The following SEMA3A variants were observed in gnomAD, a reference collection of about 807,000 sequenced individuals.
SEMA3A encodes the protein semaphorin-3A.
In SEMA3A, 29 loss-of-function variants were observed where a neutral mutation model predicts 97.9. That is an observed-to-expected ratio of 0.30 (90% CI 0.22 to 0.40). SEMA3A has a LOEUF of 0.40. Among genes scored for constraint, SEMA3A ranks in the 10% least tolerant of loss-of-function variants. The probability of loss-of-function intolerance (pLI) is 1.00; values close to 1 mark genes in which losing one functional copy is unlikely to be tolerated. For synonymous variants in SEMA3A, 321 were observed against 323.7 expected, an observed-to-expected ratio of 0.99 and a Z score of 0.09; for missense variants, 763 against 951.3, an observed-to-expected ratio of 0.80 and a Z score of 2.60.
intron 5 of SEMA3A, among the ~76,000 whole-genome samples, chr7:84,046,654 C>T (rs1224796956): frequency 6.6e-6 from 1 of 151,436 alleles, no homozygotes; most frequent in African/African-American, 2.4e-5. Context: ...TACTTATTCA[C>T]TGATTTAGTG....
At chr7:84,010,488 A>G (rs1790835598) in intron 9 of SEMA3A, among the ~76,000 whole-genome samples, 1 of 152,152 alleles carries the variant, frequency 6.6e-6, no homozygotes, top group African/African-American at 2.4e-5. Context: ...ACATTTCCAG[A>G]TGTATTTTGT....
At chr7:84,181,066 G>A (rs1797721873) in intron 1 of SEMA3A, among the ~76,000 whole-genome samples, 1 of 151,832 alleles carries the variant, frequency 6.6e-6, no homozygotes, top group Non-Finnish European at 1.5e-5. Flanking sequence ...TTCTTCCATT[G>A]AAAAGTTGAT....
At chr7:84,454,937 G>T (rs192526841) in intron 1 of SEMA3A, among the ~76,000 whole-genome samples, 1 of 151,900 alleles carries the variant, frequency 6.6e-6, no homozygotes, top group Admixed American at 6.6e-5. Flanking sequence ...AGCACCTCAA[G>T]GTTTAATGTA....
At chr7:84,073,863 T>TA (rs57789538) in intron 4 of SEMA3A, among the ~76,000 whole-genome samples, 12,249 of 101,542 alleles carry the variant, frequency 0.12, 593 homozygotes, top group East Asian at 0.27. Flanking sequence ...TAAAAAAAGC[T>TA]AAAAAAAAAA....
intron 1 of SEMA3A, among the ~76,000 whole-genome samples, chr7:84,407,396 A>G (rs1196545113): frequency 1.3e-5 from 2 of 152,156 alleles, no homozygotes; most frequent in Non-Finnish European, 2.9e-5. Context: ...ATAAAAGAGG[A>G]TACAAACAAA....
At chr7:84,457,360 C>A (rs1805711441) in intron 1 of SEMA3A, among the ~76,000 whole-genome samples, 1 of 151,832 alleles carries the variant, frequency 6.6e-6, no homozygotes, top group South Asian at 2.1e-4. Flanking sequence ...ACATGCAGAG[C>A]AAACTCCTTG....
intron 1 of SEMA3A, among the ~76,000 whole-genome samples, chr7:84,400,755 G>C (rs1239206992): frequency 6.6e-6 from 1 of 152,158 alleles, no homozygotes; most frequent in Non-Finnish European, 1.5e-5. Context: ...CCTAGATGAA[G>C]ACATATTCTT....
chr7:84,270,880 A>G (rs184250049), intron 3 of SEMA3A, among the ~76,000 whole-genome samples: 1 of 151,892 alleles, frequency 6.6e-6, no homozygotes, highest in Non-Finnish European at 1.5e-5. Context: ...ACAGTAGGGC[A>G]ATTTCTATAA....
At chr7:83,972,419 G>A (rs1401892867) in intron 15 of SEMA3A, among the ~76,000 whole-genome samples, 2 of 151,900 alleles carry the variant, frequency 1.3e-5, no homozygotes, top group African/African-American at 4.8e-5. Flanking sequence ...TGAACATCTG[G>A]TATGTTTTAT....
chr7:83,970,466 T>C (rs530566713), intron 15 of SEMA3A, among the ~76,000 whole-genome samples: 2 of 152,160 alleles, frequency 1.3e-5, no homozygotes, highest in Non-Finnish European at 2.9e-5. Flanking sequence ...TTATTCACTC[T>C]CCATTTTAAC....
At chr7:83,990,361 G>A (rs1789850718) in intron 12 of SEMA3A, among the ~76,000 whole-genome samples, 1 of 151,682 alleles carries the variant, frequency 6.6e-6, no homozygotes, top group Admixed American at 6.6e-5. Context: ...TGTTGCCATG[G>A]CTTTTGGTGT....
chr7:84,372,531 T>C (rs1262970933), intron 1 of SEMA3A, among the ~76,000 whole-genome samples: 2 of 152,066 alleles, frequency 1.3e-5, no homozygotes, highest in East Asian at 3.9e-4. Flanking sequence ...GTGGATACAA[T>C]GGTGACTAGT....
chr7:84,426,542 GGTAAA>G (rs1303404323), intron 1 of SEMA3A, among the ~76,000 whole-genome samples: 2 of 151,960 alleles, frequency 1.3e-5, no homozygotes, highest in African/African-American at 4.8e-5. Flanking sequence ...TCTGCCTTGA[GGTAAA>G]GTAGTTTGTT....
rs1029428647 is a variant in SEMA3A, at chr7:84,081,596, A to T, written c.454-21038T>A. ...CGACAGAGCGAGACTCCGTCTCTTA[A>T]AAAAAAAAAAAAAAAAAAAAGATTT... On this transcript the variant is annotated intron_variant, in intron 4 of 16. Transcript: ENST00000265362. 4.8e-3 allele frequency among the ~76,000 whole-genome samples: 163 copies of T among 33,816 alleles called. 1 individual carries two copies. The East Asian group carries it at 0.078, about 16-fold the overall frequency. The allele number at this position is 33,816 out of a possible 152,430, so 22.2% of individuals were successfully genotyped here.
chr7:84,392,652 G>C (rs1803614178), intron 1 of SEMA3A, among the ~76,000 whole-genome samples: 1 of 152,072 alleles, frequency 6.6e-6, no homozygotes, highest in African/African-American at 2.4e-5. Context: ...TTTCCATAAT[G>C]CTTTTCCTAA....
intron 2 of SEMA3A, among the ~76,000 whole-genome samples, chr7:84,331,665 CT>C (rs918018254): frequency 1.3e-4 from 20 of 151,998 alleles, no homozygotes; most frequent in Middle Eastern, 6.8e-3. Flanking sequence ...CCAGCCAAGA[CT>C]AAAGTTTCAC....
chr7:84,076,614 G>A (rs1793960272), intron 4 of SEMA3A, among the ~76,000 whole-genome samples: 1 of 152,068 alleles, frequency 6.6e-6, no homozygotes, highest in African/African-American at 2.4e-5. Context: ...AATTTACCAT[G>A]ACAGATAATG....
chr7:84,070,192 A>G (rs1793688249), intron 4 of SEMA3A, among the ~76,000 whole-genome samples: 1 of 152,162 alleles, frequency 6.6e-6, no homozygotes, highest in Non-Finnish European at 1.5e-5. Flanking sequence ...GCTTTAGCAG[A>G]TGCTATGAGC....
At position 84,262,373 on chromosome 7, in the gene SEMA3A, C is replaced by A. The variant is rs144969867; in HGVS notation, c.-83+44834G>T. Among the ~76,000 whole-genome samples, 1,144 of 152,192 alleles carry A rather than the reference C, an allele frequency of 7.5e-3. 12 individuals carry two copies. The highest frequency in any genetic ancestry group is 0.026 in the African/African-American group (1,093 of 41,542). ...GGGATTACAGGTGCCTGCCACCATG[C>A]CCAGCTGATTTTTGTATTTTTACTA... On this transcript the variant is annotated intron_variant, in intron 3 of 3. Coordinates refer to the SEMA3A transcript ENST00000424555.
Sources: allele counts gnomAD v4.1 joint callset (sites outside exome capture counted in the v4.1 genomes callset), GRCh38; gene constraint gnomAD v4.1.1; transcripts MANE v1.5; gene names NCBI Gene and HGNC (gene_info 2026-07-23, HGNC 2026-07-21).